The following CACNA1A variants were observed in gnomAD, a reference collection of about 807,000 sequenced individuals.
CACNA1A encodes the protein voltage-dependent P/Q-type calcium channel subunit alpha-1A.
A neutral mutation model predicts 262.4 loss-of-function variants in CACNA1A; 57 were observed. The ratio of observed to expected loss-of-function variants is 0.22; its 90% CI spans 0.18 to 0.27. CACNA1A has a LOEUF of 0.27. CACNA1A is among the 10% of genes least tolerant of loss of function. CACNA1A has a pLI of 1.00. For synonymous variants in CACNA1A, 1,431 were observed against 1,419.3 expected (o/e 1.01, Z -0.18); for missense variants, 2,526 against 3,562.8 (o/e 0.71, Z 7.41).
chr19:13,308,546 G>GACATGAGACCAGGT lies in CACNA1A; in HGVS notation c.1669-19_1669-18insACCTGGTCTCATGT. On this transcript the variant is annotated intron_variant, in intron 12 of 46. Coordinates refer to ENST00000360228, the MANE Select transcript of CACNA1A (RefSeq NM_001127222.2). This position sits in a 1 kb window ranked among gnomAD's most constrained non-coding sequence, Gnocchi z 4.2. Reference sequence around the variant, plus strand: ...ATGATAACCTAGGGCAGAGAACCTGGTCTCATGTCCAGGGACAGTGTCTGG... The same window carrying GACATGAGACCAGGT: ...ATGATAACCTAGGGCAGAGAACCTGGACATGAGACCAGGTTCTCATGTCCAGGGACAGTGTCTGG... 6.6e-7 allele frequency: 1 copy of GACATGAGACCAGGT among 1,520,354 alleles called. No homozygotes were observed. Among genetic ancestry groups the GACATGAGACCAGGT allele is most frequent in the Non-Finnish European group, 9.1e-7 (1 of 1,100,590 alleles). 94.2% of individuals were successfully genotyped at this position (1,520,354 alleles called of 1,614,324 possible).
intron 2 of CACNA1A, among the ~76,000 whole-genome samples, chr19:13,454,592 G>A (rs1250502282): frequency 1.3e-5 from 2 of 151,960 alleles, no homozygotes; most frequent in Non-Finnish European, 2.9e-5. Flanking sequence ...GGATGGTCTC[G>A]AACTCTTGAC....
chr19:13,268,020 C>T (rs1267670567), intron 24 of CACNA1A, among the ~76,000 whole-genome samples: 1 of 152,030 alleles, frequency 6.6e-6, no homozygotes, highest in Non-Finnish European at 1.5e-5. Context: ...GCCTAGGCCT[C>T]CCAGAGCGCT....
rs765977644 is a variant in CACNA1A, at chr19:13,317,066, G to C, written c.1555+46C>G. On this transcript the variant is annotated intron_variant, in intron 11 of 46. Coordinates refer to ENST00000360228, the MANE Select transcript of CACNA1A (RefSeq NM_001127222.2). Reference sequence around the variant, plus strand: ...AAAGAGAAGTGGAAAAAGGGTGTGAGGGAGGGATCAGGGAGTTGGCAGGGG... The same window carrying C: ...AAAGAGAAGTGGAAAAAGGGTGTGACGGAGGGATCAGGGAGTTGGCAGGGG... The C allele has an allele frequency of 2.4e-6, 3 of 1,262,414 alleles. No homozygotes were observed. The Admixed American group carries it at 5.4e-5, about 23-fold the overall frequency. 78.2% of individuals were successfully genotyped at this position (1,262,414 alleles called of 1,614,324 possible).
intron 3 of CACNA1A, among the ~76,000 whole-genome samples, chr19:13,420,299 TC>T (rs1391355338): frequency 6.6e-6 from 1 of 151,670 alleles, no homozygotes; most frequent in Non-Finnish European, 1.5e-5. Flanking sequence ...TGGTCTCTTT[TC>T]TTAAGTAAAG....
chr19:13,311,100 A>C (rs1015279056), intron 12 of CACNA1A, among the ~76,000 whole-genome samples: 2 of 151,138 alleles, frequency 1.3e-5, no homozygotes, highest in African/African-American at 2.4e-5. Flanking sequence ...GCCTACTTTT[A>C]TTTCTTAGAG....
At chr19:13,344,472 A>G (rs1395865567) in intron 6 of CACNA1A, among the ~76,000 whole-genome samples, 1 of 152,070 alleles carries the variant, frequency 6.6e-6, no homozygotes, top group Non-Finnish European at 1.5e-5. Flanking sequence ...GCCTTCTTGG[A>G]CCTCTCAATC....
At chr19:13,469,011 G>A (rs986762273) in intron 1 of CACNA1A, among the ~76,000 whole-genome samples, 1 of 152,116 alleles carries the variant, frequency 6.6e-6, no homozygotes, top group Non-Finnish European at 1.5e-5. Flanking sequence ...CAGATAAGGT[G>A]GAAAAGGTGC....
intron 3 of CACNA1A, among the ~76,000 whole-genome samples, chr19:13,390,071 C>T (rs539257105): frequency 5.3e-4 from 81 of 152,092 alleles, no homozygotes; most frequent in African/African-American, 1.8e-3. Context: ...TCTCGGCTTC[C>T]CAAAGTGCTG....
intron 22 of CACNA1A, among the ~76,000 whole-genome samples, chr19:13,281,783 G>T (rs1044078876): frequency 6.6e-6 from 1 of 152,222 alleles, no homozygotes; most frequent in Non-Finnish European, 1.5e-5. Context: ...CAGTGTTCTT[G>T]TAGAGAAGTT....
At chr19:13,287,545 G>T (rs116789344) in intron 19 of CACNA1A, among the ~76,000 whole-genome samples, 7,826 of 151,620 alleles carry the variant, frequency 0.052, 673 homozygotes, top group African/African-American at 0.18. Context: ...CTTTTTTCTT[G>T]CTCTGTCGTA....
At chr19:13,427,882 A>G (rs1361914366) in intron 3 of CACNA1A, among the ~76,000 whole-genome samples, 6 of 152,150 alleles carry the variant, frequency 3.9e-5, no homozygotes, top group Non-Finnish European at 8.8e-5. Context: ...TGACCTTTGG[A>G]CAGTTACTTA....
chr19:13,477,932 G>A (rs985611608), intron 1 of CACNA1A, among the ~76,000 whole-genome samples: 1 of 152,152 alleles, frequency 6.6e-6, no homozygotes, highest in African/African-American at 2.4e-5. Context: ...GAGACCTCGT[G>A]ACAGTCATCT....
rs1345098382 is a variant in CACNA1A, at chr19:13,236,877, T to C, written c.4951-1147A>G. On this transcript the variant is annotated intron_variant, in intron 31 of 46. Transcript: ENST00000360228. The surrounding 1 kb of genome is among the most constrained non-coding windows in gnomAD (Gnocchi z 4.6). ...ACCAGCTAGAGTTAAGTGGCCATTGTGGGGCTTCAAGGGACCTTGGTGGGG... is the reference window on the plus strand; with the variant it reads ...ACCAGCTAGAGTTAAGTGGCCATTGCGGGGCTTCAAGGGACCTTGGTGGGG... 6.6e-6 allele frequency among the ~76,000 whole-genome samples: 1 copy of C among 151,978 alleles called. No homozygotes were observed. Among genetic ancestry groups the C allele is most frequent in the Non-Finnish European group, 1.5e-5 (1 of 67,984 alleles).
intron 3 of CACNA1A, among the ~76,000 whole-genome samples, chr19:13,429,898 G>T (rs1025306123): frequency 6.6e-6 from 1 of 150,584 alleles, no homozygotes. Context: ...CTACTCACAG[G>T]GGGGACCCAA....
intron 17 of CACNA1A, 35 bp downstream of exon 17, chr19:13,303,511 A>T: frequency 8.3e-7 from 1 of 1,204,276 alleles, no homozygotes; most frequent in Non-Finnish European, 1.1e-6. Context: ...GCAGGTGGTA[A>T]CTTTGCCAGA....
chr19:13,318,218 G>C lies in CACNA1A; in HGVS notation c.1346-897C>G, dbSNP rs1158719057. ...GTAGGCTGCAACATTAAATTGCATG[G>C]TCAAGGTGAGTGTGTTGACTTGTCA... On this transcript the variant is annotated intron_variant, in intron 10 of 46. Coordinates refer to ENST00000360228, the MANE Select transcript of CACNA1A (RefSeq NM_001127222.2). Among the ~76,000 whole-genome samples, 3 of 152,170 alleles carry C rather than the reference G, an allele frequency of 2.0e-5. No individual in the cohort carries two copies. The East Asian group carries it at 5.8e-4, about 29-fold the overall frequency.
At chr19:13,335,548 G>T (rs1339604006) in intron 7 of CACNA1A, among the ~76,000 whole-genome samples, 2 of 152,140 alleles carry the variant, frequency 1.3e-5, no homozygotes, top group African/African-American at 4.8e-5. Context: ...AAATGGGGGA[G>T]AAGTAAACCC....
At chr19:13,427,342 C>T (rs2060420283) in intron 3 of CACNA1A, among the ~76,000 whole-genome samples, 2 of 152,054 alleles carry the variant, frequency 1.3e-5, no homozygotes, top group African/African-American at 4.8e-5. Context: ...ATCTCAGCTA[C>T]TCAGGAGGCT....
chr19:13,442,532 T>C (rs558708527), intron 3 of CACNA1A, among the ~76,000 whole-genome samples: 4 of 152,364 alleles, frequency 2.6e-5, no homozygotes, highest in African/African-American at 9.6e-5. Context: ...GGAGAATTTG[T>C]AGCATCTATC....
Sources: gnomAD v4.1 joint callset for allele counts (sites outside exome capture counted in the v4.1 genomes callset) on GRCh38, gnomAD v4.1.1 for gene constraint, Gnocchi (gnomAD v3.1) non-coding constraint, MANE v1.5 for transcripts, NCBI Gene and HGNC (gene_info 2026-07-23, HGNC 2026-07-21) for gene names.